The following NPLOC4 variants were observed in gnomAD, a reference collection of about 807,000 sequenced individuals.
The protein encoded by NPLOC4 is NPL4 homolog, ubiquitin recognition factor.
NPLOC4 carries 18 observed loss-of-function variants against 80.6 expected under a neutral mutation model. The ratio of observed to expected loss-of-function variants is 0.22; its 90% confidence interval spans 0.15 to 0.33. The LOEUF is 0.33. Ranked by LOEUF, NPLOC4 falls within the 10% of genes least tolerant of loss-of-function variation. The pLI is 1.00. For missense variants in NPLOC4, 540 were observed against 786.1 expected, an observed-to-expected ratio of 0.69 and a Z score of 3.74; for synonymous variants, 313 against 301.5, an observed-to-expected ratio of 1.04 and a Z score of -0.39.
chr17:81,559,018 GC>G lies in NPLOC4; in HGVS notation c.*240del. 1 of 512,118 alleles carries G rather than the reference GC, an allele frequency of 2.0e-6. No homozygotes were observed. The highest frequency in any genetic ancestry group is 3.5e-6 in the Non-Finnish European group (1 of 287,594). 31.7% of individuals were successfully genotyped at this position (512,118 alleles called of 1,614,324 possible). Reference sequence around the variant, plus strand: ...TTGTCAACAGGATTAGGCGTGAGGAGCCGCTCTGCGTTTCCAGTCTGGAGAC... The same window carrying G: ...TTGTCAACAGGATTAGGCGTGAGGAGCGCTCTGCGTTTCCAGTCTGGAGAC... On this transcript the variant is annotated 3_prime_UTR_variant, in exon 17 of 17. Coordinates refer to ENST00000331134, the MANE Select transcript of NPLOC4 (RefSeq NM_017921.4).
At chr17:81,571,667 G>A (rs1436681584) in intron 13 of NPLOC4, among the ~76,000 whole-genome samples, 2 of 152,220 alleles carry the variant, frequency 1.3e-5, no homozygotes, top group Admixed American at 6.5e-5. Context: ...ATGCTCCGGT[G>A]ACTGGAGACC....
At chr17:81,632,326 TTC>T (rs1212616470) in intron 1 of NPLOC4, among the ~76,000 whole-genome samples, 3 of 142,288 alleles carry the variant, frequency 2.1e-5, no homozygotes, top group Non-Finnish European at 4.6e-5. Context: ...CCTTTTTTAT[TTC>T]TTTTTTTTTT....
intron 2 of NPLOC4, among the ~76,000 whole-genome samples, chr17:81,629,515 G>T (rs888213977): frequency 6.6e-6 from 1 of 152,066 alleles, no homozygotes; most frequent in Non-Finnish European, 1.5e-5. Flanking sequence ...TTACCTTTGG[G>T]CTCTTGGTCC....
rs780474504 is a variant in NPLOC4, at chr17:81,613,391, C to T, written c.313G>A (p.Val105Met). The change falls in exon 4 of 17, where the codon GTG becomes ATG. Residue 105 changes from valine (V) to methionine (M), a missense_variant. Val to Met is a conservative substitution (Grantham distance 21). Around this residue, in one of 6 missense-constraint regions of NPLOC4, gnomAD observed 74 missense variants for 75.7 expected, o/e 0.98. Coordinates refer to ENST00000331134, the MANE Select transcript of NPLOC4 (RefSeq NM_017921.4). ...PGFKVFGAPN[V>M]VEDEIDQYLS... ...TACTGATCAATCTCATCCTCCACCA[C>T]GTTGGGAGCGCCAAAGACTTTGAAG... 2.5e-6 allele frequency: 4 copies of T among 1,613,992 alleles called. No homozygotes were observed. The East Asian group carries it at 6.7e-5, about 27-fold the overall frequency.
chr17:81,622,801 T>C (rs766119383), intron 2 of NPLOC4, among the ~76,000 whole-genome samples: 13 of 152,084 alleles, frequency 8.5e-5, no homozygotes, highest in Non-Finnish European at 1.6e-4. Context: ...TCCGCCCACC[T>C]TGGCCTCCCA....
chr17:81,575,842 A>G (rs1469296747), intron 12 of NPLOC4, among the ~76,000 whole-genome samples: 2 of 152,236 alleles, frequency 1.3e-5, no homozygotes, highest in African/African-American at 4.8e-5. Context: ...GACTGGGAAT[A>G]TGCTATAATA....
At chr17:81,589,204 C>T in intron 11 of NPLOC4, 100 bp from the exon 12 acceptor site, 1 of 1,096,040 alleles carries the variant, frequency 9.1e-7, no homozygotes, top group South Asian at 1.7e-5. Flanking sequence ...AAAACAAACC[C>T]TCAAGAGTTT....
At chr17:81,631,033 C>T (rs75458335) in intron 1 of NPLOC4, among the ~76,000 whole-genome samples, 6,756 of 151,590 alleles carry the variant, frequency 0.045, 264 homozygotes, top group East Asian at 0.22. Flanking sequence ...ATTAGCTGGG[C>T]GTGGTGGCGG....
At chr17:81,597,069 C>T (rs1424298968) in intron 10 of NPLOC4, among the ~76,000 whole-genome samples, 176 bp downstream of exon 10, 3 of 152,008 alleles carry the variant, frequency 2.0e-5, no homozygotes, top group Non-Finnish European at 4.4e-5. Flanking sequence ...GCAGAGATTG[C>T]GCCACTGCAC....
intron 3 of NPLOC4, among the ~76,000 whole-genome samples, chr17:81,613,877 T>C (rs1398115029): frequency 5.9e-5 from 9 of 151,538 alleles, no homozygotes; most frequent in African/African-American, 2.2e-4. Context: ...GGAGGCTCTC[T>C]CCTCCCCCAA....
intron 1 of NPLOC4, among the ~76,000 whole-genome samples, chr17:81,635,212 G>A (rs1001782775): frequency 1.3e-5 from 2 of 151,708 alleles, no homozygotes; most frequent in African/African-American, 4.8e-5. Context: ...GCGTGTTGGC[G>A]AGCACCTGCA....
intron 14 of NPLOC4, among the ~76,000 whole-genome samples, chr17:81,568,728 G>A (rs1167406268): frequency 2.0e-5 from 3 of 152,234 alleles, no homozygotes; most frequent in Non-Finnish European, 2.9e-5. Context: ...CAACAGTGAC[G>A]AGGCTGCTGG....
chr17:81,620,776 G>A (rs1258809573), intron 3 of NPLOC4, among the ~76,000 whole-genome samples: 1 of 152,168 alleles, frequency 6.6e-6, no homozygotes, highest in Non-Finnish European at 1.5e-5. Context: ...TCCTCTGGCT[G>A]GAACAGAGAG....
At chr17:81,603,641 T>G (rs2035125161) in intron 8 of NPLOC4, among the ~76,000 whole-genome samples, 1 of 152,102 alleles carries the variant, frequency 6.6e-6, no homozygotes, top group African/African-American at 2.4e-5. Context: ...ATACAGCTAA[T>G]TTAAAGAATT....
chr17:81,630,230 T>C (rs1280639993), intron 1 of NPLOC4, among the ~76,000 whole-genome samples: 3 of 151,762 alleles, frequency 2.0e-5, no homozygotes, highest in Non-Finnish European at 4.4e-5. Flanking sequence ...TATACAAACA[T>C]TAGACAGTCT....
intron 1 of NPLOC4, among the ~76,000 whole-genome samples, 171 bp downstream of exon 1, chr17:81,636,745 G>A (rs906713223): frequency 2.6e-5 from 4 of 152,178 alleles, no homozygotes; most frequent in African/African-American, 7.2e-5. Flanking sequence ...AAGCAGCCGA[G>A]GGGGGTGAAA....
chr17:81,565,439 T>A (rs2033981183), intron 16 of NPLOC4, 66 bp downstream of exon 16: 1 of 1,303,346 alleles, frequency 7.7e-7, no homozygotes, highest in Non-Finnish European at 1.1e-6. Flanking sequence ...AGTGGGGAGC[T>A]GTGCAGAGTG....
intron 3 of NPLOC4, 116 bp from the exon 4 acceptor site, chr17:81,613,610 G>T: frequency 1.1e-6 from 1 of 878,300 alleles, no homozygotes. Context: ...CCTAAACAAT[G>T]AGGTTTCTAA....
intron 3 of NPLOC4, among the ~76,000 whole-genome samples, 160 bp downstream of exon 3, chr17:81,622,006 T>G (rs73369286): frequency 6.6e-6 from 1 of 152,188 alleles, no homozygotes; most frequent in Admixed American, 6.5e-5. Flanking sequence ...GGATAATTAC[T>G]GAATTCCTGG....
Sources: gnomAD v4.1 joint callset for allele counts (sites outside exome capture counted in the v4.1 genomes callset) on GRCh38, gnomAD v4.1.1 for gene constraint, gnomAD v4.1.1 regional missense constraint, MANE v1.5 for transcripts, NCBI Gene and HGNC (gene_info 2026-07-23, HGNC 2026-07-21) for gene names.